Variants in AKNA observed in about 807,000 individuals in gnomAD.
AKNA encodes microtubule organization protein AKNA.
In AKNA, 67 loss-of-function variants were observed where a neutral mutation model predicts 138.8. The observed-to-expected ratio is 0.48, with a 90% confidence interval of 0.40 to 0.59. AKNA has a LOEUF of 0.59. Ranked by LOEUF, AKNA falls within the 20% of genes least tolerant of loss-of-function variation. The pLI is 0.00. For synonymous variants in AKNA, 737 were observed against 754.4 expected (o/e 0.98, Z 0.38); for missense variants, 1,813 against 1,880.4 (o/e 0.96, Z 0.66).
intron 4 of AKNA, among the ~76,000 whole-genome samples, chr9:114,369,300 T>A (rs1019835032): frequency 6.6e-6 from 1 of 152,208 alleles, no homozygotes; most frequent in African/African-American, 2.4e-5. Flanking sequence ...GAGAGAACTA[T>A]GTTCTGTTTT....
At chr9:114,331,323 G>A (rs533792117), downstream of AKNA, among the ~76,000 whole-genome samples, 2 of 152,184 alleles carry the variant, frequency 1.3e-5, no homozygotes, top group South Asian at 4.1e-4. Context: ...TTCCTCCTCT[G>A]TAAAACGGGG....
At chr9:114,331,426 G>C (rs575855964), downstream of AKNA, 60 of 647,570 alleles carry the variant, frequency 9.3e-5, 2 homozygotes, top group South Asian at 1.1e-3. Context: ...AGCAGGGGCT[G>C]GGCACACGGT....
At chr9:114,379,367 C>T (rs184996579) in intron 2 of AKNA, among the ~76,000 whole-genome samples, 1 of 152,382 alleles carries the variant, frequency 6.6e-6, no homozygotes, top group Admixed American at 6.5e-5. Flanking sequence ...AGTAAAGGCA[C>T]AGGACAAGGT....
chr9:114,381,313 C>A lies in AKNA; in HGVS notation c.21G>T (p.Glu7Asp). MASSETEIRWAEPGLGK... is the reference protein window; with the variant it reads MASSETDIRWAEPGLGK... ...CCAGGCCAGGCTCAGCCCAGCGGAT[C>A]TCAGTCTCCGAGCTGGCCATTGGGG... The change falls in exon 2 of 22, where the codon GAG (glutamate) becomes GAT (aspartate). Residue 7 changes from glutamate (E) to aspartate (D), a missense_variant. By Grantham distance (45) the Glu-to-Asp change is conservative (BLOSUM62 2). Transcript: ENST00000374088. 1 of 1,602,114 alleles carries A rather than the reference C, an allele frequency of 6.2e-7. No homozygotes were observed. Among genetic ancestry groups the A allele is most frequent in the Non-Finnish European group, 8.5e-7 (1 of 1,173,982 alleles).
At chr9:114,368,810 C>A (rs1461343394) in intron 4 of AKNA, among the ~76,000 whole-genome samples, 1 of 151,986 alleles carries the variant, frequency 6.6e-6, no homozygotes, top group Non-Finnish European at 1.5e-5. Context: ...GGGTGGGGAC[C>A]CCAACAGCCC....
At chr9:114,342,762 C>T (rs1588944329) in intron 19 of AKNA, among the ~76,000 whole-genome samples, 1 of 151,118 alleles carries the variant, frequency 6.6e-6, no homozygotes, top group African/African-American at 2.4e-5. Flanking sequence ...AGTCAGGCAC[C>T]CCCCAGCCCC....
rs1281984080 is a variant in AKNA, at chr9:114,336,938, C to A, written c.*116G>T. ...AGGCGGGACCTGTGCTGGAGGGAGA[C>A]CCTCCTGGTGAGGAACTATGCGGGC... On this transcript the variant is annotated 3_prime_UTR_variant, in exon 22 of 22. Coordinates refer to ENST00000374088, the MANE Select transcript of AKNA (RefSeq NM_001317950.2). 4.4e-5 allele frequency: 58 copies of A among 1,319,098 alleles called. No homozygotes were observed. Among genetic ancestry groups the A allele is most frequent in the Admixed American group, 1.5e-4 (5 of 33,036 alleles). 81.7% of individuals were successfully genotyped at this position (1,319,098 alleles called of 1,614,324 possible).
chr9:114,331,842 G>A (rs372380630), downstream of AKNA: 28 of 1,613,606 alleles, frequency 1.7e-5, no homozygotes, highest in Admixed American at 3.3e-5. Context: ...AGCCAGAGAC[G>A]ACCAAGGAGC....
chr9:114,352,619 AAC>A (rs1031475542), intron 14 of AKNA, among the ~76,000 whole-genome samples: 2 of 149,780 alleles, frequency 1.3e-5, no homozygotes, highest in Non-Finnish European at 3.0e-5. Context: ...TTTAATTAAA[AAC>A]GTTTTTAAAA....
chr9:114,341,146 TC>T (rs1327640466), intron 21 of AKNA, among the ~76,000 whole-genome samples: 8 of 152,002 alleles, frequency 5.3e-5, no homozygotes, highest in African/African-American at 1.9e-4. Context: ...TCTAAAACTG[TC>T]CTAAAAAATA....
rs374129724 is a variant in AKNA at position 114,350,989 on chromosome 9, G to A, written c.3091C>T (p.Arg1031Trp). Residue 1031 changes from arginine to tryptophan, a missense_variant, in exon 15 of 22, where the codon CGG (arginine) becomes TGG (tryptophan). Coordinates refer to ENST00000374088, the MANE Select transcript of AKNA (RefSeq NM_001317950.2). The stretch of plus-strand genomic sequence containing the variant: ...TTGGGAAGGGGCTGTTCAGAAATCC[G>A]TTTGTGCCCCTCAAACTCTGAGCCA... ...VPGSEFEGHKRISEQPLPNKT... is the reference protein window; with the variant it reads ...VPGSEFEGHKWISEQPLPNKT... 25 of 1,613,662 alleles carry A rather than the reference G, an allele frequency of 1.5e-5. No individual in the cohort carries two copies. The highest frequency in any genetic ancestry group is 4.0e-5 in the African/African-American group (3 of 74,894).
intron 4 of AKNA, among the ~76,000 whole-genome samples, chr9:114,370,075 G>C (rs1334147304): frequency 6.6e-6 from 1 of 152,250 alleles, no homozygotes; most frequent in East Asian, 1.9e-4. Context: ...GGAATGAGCA[G>C]TTTAGGGTGG....
In AKNA at chr9:114,359,779, C is replaced by T. The variant is rs1564633707; in HGVS notation, c.2307G>A (p.Lys769=). ...CCATTCTCATGGCTTCTGGGAGAGA[C>T]TTCACACTGAGGTACCTGCAGAAGA... The part of the protein sequence containing the change: ...HGLMERYLSV[K]SLPEAMRMEE... The change falls in exon 11 of 22, where the codon AAG becomes AAA. Residue 769 remains lysine (K), a synonymous_variant. Transcript: ENST00000374088. 6.3e-7 allele frequency: 1 copy of T among 1,599,140 alleles called. No homozygotes were observed. Among genetic ancestry groups the T allele is most frequent in the Non-Finnish European group, 8.5e-7 (1 of 1,171,686 alleles).
downstream of AKNA, chr9:114,330,714 C>A (rs1370035095): frequency 4.4e-6 from 7 of 1,598,222 alleles, no homozygotes; most frequent in Non-Finnish European, 6.0e-6. Flanking sequence ...AGACTCTTGC[C>A]CCGGGACTGT....
intron 4 of AKNA, among the ~76,000 whole-genome samples, chr9:114,373,087 G>C (rs539226737): frequency 6.6e-6 from 1 of 152,080 alleles, no homozygotes; most frequent in African/African-American, 2.4e-5. Flanking sequence ...GCAGGGGCAG[G>C]GTCCTGGAGC....
chr9:114,358,921 A>C (rs887863205), intron 11 of AKNA, among the ~76,000 whole-genome samples: 3 of 152,096 alleles, frequency 2.0e-5, no homozygotes, highest in Non-Finnish European at 4.4e-5. Flanking sequence ...ACATGTATAC[A>C]TATGTAACAA....
intron 6 of AKNA, among the ~76,000 whole-genome samples, chr9:114,366,257 G>A (rs1185383878): frequency 2.7e-5 from 4 of 147,146 alleles, no homozygotes; most frequent in African/African-American, 1.0e-4. Flanking sequence ...TCCAGCCTGG[G>A]CAACAGAGTG....
chr9:114,387,336 C>T (rs751806403), intron 1 of AKNA, among the ~76,000 whole-genome samples: 5 of 152,202 alleles, frequency 3.3e-5, no homozygotes, highest in South Asian at 4.1e-4. Context: ...GAAAGAGAAA[C>T]GGTGCCCTGG....
intron 12 of AKNA, 65 bp from the exon 13 acceptor site, chr9:114,357,034 C>T (rs551430805): frequency 1.4e-4 from 197 of 1,454,060 alleles, no homozygotes; most frequent in Non-Finnish European, 1.7e-4. Context: ...AAGCCCTTCC[C>T]AAATCGTGGC....
Sources: allele counts gnomAD v4.1 joint callset (sites outside exome capture counted in the v4.1 genomes callset), GRCh38; gene constraint gnomAD v4.1.1; transcripts MANE v1.5; gene names NCBI Gene and HGNC (gene_info 2026-07-23, HGNC 2026-07-21).